TEAD4: variants seen among roughly 807,000 people sequenced by gnomAD.
The protein encoded by TEAD4 is transcriptional enhancer factor TEF-3.
In TEAD4, 36 loss-of-function variants were observed where a neutral mutation model predicts 52.4. The ratio of observed to expected loss-of-function variants is 0.69; its 90% CI spans 0.53 to 0.91. The LOEUF (loss-of-function observed/expected upper bound fraction) is 0.91. Among genes scored for constraint, TEAD4 ranks in the 40% least tolerant of loss-of-function variants. TEAD4 has a pLI of 0.00. For missense variants in TEAD4, 508 were observed against 583.9 expected (o/e 0.87, Z 1.34); for synonymous variants, 220 against 231.0 (o/e 0.95, Z 0.43).
chr12:2,972,199 C>T (rs2098225710), intron 2 of TEAD4, among the ~76,000 whole-genome samples: 1 of 152,114 alleles, frequency 6.6e-6, no homozygotes, highest in Non-Finnish European at 1.5e-5. Context: ...CTGCCTCAGC[C>T]TCCTGAGTAG....
At chr12:2,996,186 C>A (rs1320828008) in intron 3 of TEAD4, among the ~76,000 whole-genome samples, 1 of 152,058 alleles carries the variant, frequency 6.6e-6, no homozygotes, top group African/African-American at 2.4e-5. Context: ...CAACGGGGCC[C>A]CTGCCTGGCT....
intron 10 of TEAD4, among the ~76,000 whole-genome samples, chr12:3,027,889 G>A (rs2098273015): frequency 1.3e-5 from 2 of 152,034 alleles, no homozygotes; most frequent in South Asian, 4.1e-4. Context: ...ATACAATTCC[G>A]AGTTTTTAAG....
intron 10 of TEAD4, among the ~76,000 whole-genome samples, chr12:3,031,310 C>A (rs890040476): frequency 2.6e-5 from 4 of 152,236 alleles, no homozygotes; most frequent in African/African-American, 9.6e-5. Context: ...GTGGCTCTTT[C>A]CCGGCATGGC....
intron 2 of TEAD4, among the ~76,000 whole-genome samples, chr12:2,984,632 G>T (rs111231847): frequency 6.6e-6 from 1 of 152,124 alleles, no homozygotes. Context: ...TATAGCCTAC[G>T]ACACACCCAG....
intron 3 of TEAD4, among the ~76,000 whole-genome samples, chr12:3,008,925 G>A (rs2098258011): frequency 1.3e-5 from 2 of 152,132 alleles, no homozygotes; most frequent in Admixed American, 1.3e-4. Flanking sequence ...GCAGCTCTTG[G>A]GAACCTCTCT....
At chr12:2,992,305 C>T (rs1156996226) in intron 2 of TEAD4, among the ~76,000 whole-genome samples, 1 of 152,118 alleles carries the variant, frequency 6.6e-6, no homozygotes, top group African/African-American at 2.4e-5. Context: ...AGGTGTGAGC[C>T]ACTGCGCCCG....
intron 10 of TEAD4, among the ~76,000 whole-genome samples, chr12:3,029,232 AATTTTT>A (rs2098273933): frequency 1.7e-5 from 1 of 57,906 alleles, no homozygotes; most frequent in South Asian, 8.5e-4. Flanking sequence ...ACGCCTGGCC[AATTTTT>A]TTTTTTTTTT....
chr12:2,973,363 T>C (rs2098226838), intron 2 of TEAD4, among the ~76,000 whole-genome samples: 1 of 152,224 alleles, frequency 6.6e-6, no homozygotes, highest in African/African-American at 2.4e-5. Context: ...TGCCCAGCTG[T>C]TGTTCTGAGA....
intron 3 of TEAD4, 69 bp from the exon 4 acceptor site, chr12:3,010,935 C>A: frequency 2.5e-6 from 4 of 1,576,068 alleles, no homozygotes; most frequent in Non-Finnish European, 3.5e-6. Context: ...CAGAAGGTAC[C>A]CCGCACCCCC....
chr12:2,996,918 T>C (rs141606295), intron 3 of TEAD4, among the ~76,000 whole-genome samples: 151 of 152,338 alleles, frequency 9.9e-4, no homozygotes, highest in African/African-American at 3.5e-3. Context: ...CGGCCTTGCA[T>C]CTGTATTTCT....
intron 2 of TEAD4, among the ~76,000 whole-genome samples, chr12:2,981,439 G>C (rs1369483790): frequency 2.0e-5 from 3 of 152,244 alleles, no homozygotes; most frequent in Admixed American, 2.0e-4. Context: ...CAGTGTAGCA[G>C]CTCAGGGGCC....
At chr12:2,992,207 C>T (rs575505073) in intron 2 of TEAD4, among the ~76,000 whole-genome samples, 4 of 151,742 alleles carry the variant, frequency 2.6e-5, no homozygotes, top group South Asian at 2.1e-4. Context: ...TTAGTAGAGG[C>T]GGGGTTTCGC....
intron 10 of TEAD4, among the ~76,000 whole-genome samples, chr12:3,027,013 G>T (rs1453731945): frequency 6.6e-6 from 1 of 152,066 alleles, no homozygotes; most frequent in Non-Finnish European, 1.5e-5. Flanking sequence ...CCCACGCCCA[G>T]ACTAAGTTTT....
intron 2 of TEAD4, among the ~76,000 whole-genome samples, chr12:2,965,931 G>A (rs2098219911): frequency 1.3e-5 from 2 of 152,008 alleles, no homozygotes; most frequent in Admixed American, 6.6e-5. Context: ...ATGCGGTCAT[G>A]GCTTATGCAG....
At chr12:3,031,966 A>C (rs1295374045) in intron 10 of TEAD4, among the ~76,000 whole-genome samples, 1 of 152,132 alleles carries the variant, frequency 6.6e-6, no homozygotes, top group Non-Finnish European at 1.5e-5. Context: ...GAATTGTCTA[A>C]AACAGATCCC....
intron 9 of TEAD4, 42 bp downstream of exon 9, chr12:3,020,815 C>T (rs775151497): frequency 3.3e-6 from 5 of 1,500,658 alleles, no homozygotes; most frequent in Non-Finnish European, 4.5e-6. Flanking sequence ...TGGTCACCCC[C>T]TCTCCCTCTG....
At chr12:3,025,676 A>G (rs2098271655) in intron 10 of TEAD4, among the ~76,000 whole-genome samples, 1 of 152,084 alleles carries the variant, frequency 6.6e-6, no homozygotes, top group South Asian at 2.1e-4. Flanking sequence ...AGCTGGGATT[A>G]CAGTCGTGTG....
intron 3 of TEAD4, among the ~76,000 whole-genome samples, chr12:2,995,199 C>T (rs949187123): frequency 3.9e-5 from 6 of 152,164 alleles, no homozygotes; most frequent in Middle Eastern, 3.4e-3. Context: ...GGGCCCCTGG[C>T]GGTGAGCAGA....
chr12:3,036,579 C>A (rs747450948), intron 10 of TEAD4, among the ~76,000 whole-genome samples: 37 of 152,312 alleles, frequency 2.4e-4, no homozygotes, highest in Admixed American at 7.8e-4. Context: ...AGGCCTGACG[C>A]TTTACTGCAT....
Sources: gnomAD v4.1 joint callset for allele counts (sites outside exome capture counted in the v4.1 genomes callset) on GRCh38, gnomAD v4.1.1 for gene constraint, MANE v1.5 for transcripts, NCBI Gene and HGNC (gene_info 2026-07-23, HGNC 2026-07-21) for gene names.